The following DDAH1 variants were observed in gnomAD, a reference collection of about 807,000 sequenced individuals.
DDAH1 encodes the protein N(G),N(G)-dimethylarginine dimethylaminohydrolase 1.
DDAH1 carries 19 observed loss-of-function variants against 28.8 expected under a neutral mutation model. That is an observed-to-expected ratio of 0.66 (90% confidence interval 0.46 to 0.97). The LOEUF (loss-of-function observed/expected upper bound fraction) is 0.97, where lower values mean the gene tolerates loss of function less well. Ranked by LOEUF, DDAH1 falls within the 50% of genes least tolerant of loss-of-function variation. The pLI is 0.00. For missense variants in DDAH1, 326 were observed against 375.9 expected, an observed-to-expected ratio of 0.87 and a Z score of 1.10; for synonymous variants, 153 against 154.4, an observed-to-expected ratio of 0.99 and a Z score of 0.07.
chr1:85,459,026 C>T (rs972699967), intron 1 of DDAH1, among the ~76,000 whole-genome samples: 4 of 152,092 alleles, frequency 2.6e-5, no homozygotes, highest in African/African-American at 9.7e-5. Flanking sequence ...AAAACATGCA[C>T]CTCCAAATTT....
At chr1:85,358,945 A>C in intron 1 of DDAH1, 98 bp from the exon 2 acceptor site, 1 of 765,944 alleles carries the variant, frequency 1.3e-6, no homozygotes, top group Non-Finnish European at 2.2e-6. Flanking sequence ...TCTCGTGCAC[A>C]CACCCACACA....
intron 1 of DDAH1, among the ~76,000 whole-genome samples, chr1:85,557,252 A>G (rs577691796): frequency 6.6e-6 from 1 of 152,360 alleles, no homozygotes; most frequent in South Asian, 2.1e-4. Context: ...TGTGTTAAGT[A>G]CAGTGTTAAA....
chr1:85,567,836 C>A (rs1454467247), intron 1 of DDAH1, among the ~76,000 whole-genome samples: 4 of 152,130 alleles, frequency 2.6e-5, no homozygotes, highest in African/African-American at 9.7e-5. Flanking sequence ...ACAAAAAAAT[C>A]AACACTATCA....
intron 2 of DDAH1, among the ~76,000 whole-genome samples, chr1:85,474,668 C>G (rs1299404008): frequency 1.3e-5 from 2 of 152,188 alleles, no homozygotes; most frequent in Non-Finnish European, 2.9e-5. Flanking sequence ...TCTTGGCAAA[C>G]AGGCACATCT....
At chr1:85,528,023 TA>T (rs1248969077) in intron 1 of DDAH1, among the ~76,000 whole-genome samples, 1 of 152,106 alleles carries the variant, frequency 6.6e-6, no homozygotes, top group Non-Finnish European at 1.5e-5. Context: ...ATTTAGTGTT[TA>T]AAATCATATT....
intron 1 of DDAH1, among the ~76,000 whole-genome samples, chr1:85,506,704 T>C (rs1184982443): frequency 6.6e-6 from 1 of 152,162 alleles, no homozygotes; most frequent in East Asian, 1.9e-4. Context: ...AGCAAAAGTG[T>C]GGATGGCCTT....
intron 1 of DDAH1, among the ~76,000 whole-genome samples, chr1:85,360,031 G>C (rs1344795898): frequency 1.3e-5 from 2 of 152,160 alleles, no homozygotes; most frequent in African/African-American, 4.8e-5. Context: ...AAGGGAACAA[G>C]AGATCACATC....
intron 1 of DDAH1, among the ~76,000 whole-genome samples, chr1:85,518,629 A>G (rs1657556436): frequency 6.6e-6 from 1 of 152,100 alleles, no homozygotes; most frequent in African/African-American, 2.4e-5. Context: ...AAAAGGCTCT[A>G]CCTTTAAGGA....
chr1:85,486,913 T>C (rs1192332434), intron 2 of DDAH1, among the ~76,000 whole-genome samples: 1 of 152,172 alleles, frequency 6.6e-6, no homozygotes, highest in Non-Finnish European at 1.5e-5. Flanking sequence ...TCTTTGAATA[T>C]CATATTTTGA....
rs1168556719 is a variant in DDAH1, at chr1:85,535,318, A to G, written c.-122-39037T>C. Among the ~76,000 whole-genome samples the G allele has an allele frequency of 2.0e-5, 3 of 146,364 alleles. No individual in the cohort carries two copies. In the East Asian group the frequency reaches 6.0e-4, roughly 29 times the overall value. ...GATCTCTAGAGAAAGAAGTTGCACA[A>G]TGCTTCTTAGGAAGTTGTTCCAATA... On this transcript the variant is annotated intron_variant, in intron 1 of 6. Coordinates refer to the DDAH1 transcript ENST00000426972.
chr1:85,543,856 T>C (rs1007027103), intron 1 of DDAH1, among the ~76,000 whole-genome samples: 1 of 152,194 alleles, frequency 6.6e-6, no homozygotes, highest in African/African-American at 2.4e-5. Flanking sequence ...AGATAAACTT[T>C]TGCTTCAATT....
chr1:85,510,682 A>G (rs1450797488), intron 1 of DDAH1, among the ~76,000 whole-genome samples: 1 of 152,216 alleles, frequency 6.6e-6, no homozygotes, highest in Non-Finnish European at 1.5e-5. Flanking sequence ...AAAGCAAAAA[A>G]AAGCAGGGGT....
chr1:85,340,216 C>T (rs1044189507), intron 4 of DDAH1, among the ~76,000 whole-genome samples: 1 of 152,112 alleles, frequency 6.6e-6, no homozygotes, highest in Non-Finnish European at 1.5e-5. Context: ...GCTTAGGCAT[C>T]GGATGCCTAC....
intron 1 of DDAH1, among the ~76,000 whole-genome samples, chr1:85,453,770 C>G (rs1376234878): frequency 6.6e-6 from 1 of 152,134 alleles, no homozygotes; most frequent in Admixed American, 6.5e-5. Context: ...TCTTTGGATT[C>G]TTACATAAGG....
At chr1:85,395,399 G>T (rs774308724) in intron 1 of DDAH1, among the ~76,000 whole-genome samples, 1 of 152,194 alleles carries the variant, frequency 6.6e-6, no homozygotes, top group Non-Finnish European at 1.5e-5. Flanking sequence ...GAGATTGGGC[G>T]CAGTGGCTCA....
rs184172551 is a variant in DDAH1 at position 85,564,774 on chromosome 1, G to A, written c.-123+13210C>T. On this transcript the variant is annotated intron_variant, in intron 1 of 6. Transcript: ENST00000426972. ...AATCCCAGCTACTCAGGAGGCTGAG[G>A]CATGAGAATCACCCAGGAGGCAGAG... 7.3e-5 allele frequency among the ~76,000 whole-genome samples: 11 copies of A among 151,374 alleles called. No individual in the cohort carries two copies. In the East Asian group the frequency reaches 2.2e-3, roughly 30 times the overall value.
intron 2 of DDAH1, among the ~76,000 whole-genome samples, chr1:85,472,349 A>G (rs576722793): frequency 1.9e-4 from 29 of 152,332 alleles, no homozygotes; most frequent in African/African-American, 7.0e-4. Flanking sequence ...ATGGCTGTCC[A>G]TACTTTGTTA....
intron 1 of DDAH1, among the ~76,000 whole-genome samples, chr1:85,513,349 C>G (rs1305945894): frequency 6.6e-6 from 1 of 152,010 alleles, no homozygotes; most frequent in Admixed American, 6.6e-5. Context: ...CAAAAATTAA[C>G]TCAAGATGGA....
intron 2 of DDAH1, among the ~76,000 whole-genome samples, chr1:85,474,698 A>G (rs2100707662): frequency 6.6e-6 from 1 of 152,238 alleles, no homozygotes; most frequent in South Asian, 2.1e-4. Context: ...TGGATCCTCA[A>G]TTCCGGTGTG....
Sources: gnomAD v4.1 joint callset for allele counts (sites outside exome capture counted in the v4.1 genomes callset) on GRCh38, gnomAD v4.1.1 for gene constraint, MANE v1.5 for transcripts, NCBI Gene and HGNC (gene_info 2026-07-23, HGNC 2026-07-21) for gene names.